The following THYN1 variants were observed in gnomAD, a reference collection of about 807,000 sequenced individuals.
THYN1 encodes the protein thymocyte nuclear protein 1, also known as thymocyte protein thy28.
A neutral mutation model predicts 30.6 loss-of-function variants in THYN1; 32 were observed. The ratio of observed to expected loss-of-function variants is 1.05; its 90% CI spans 0.79 to 1.40. The LOEUF (loss-of-function observed/expected upper bound fraction) is 1.40, where lower values mean the gene tolerates loss of function less well. Among genes scored for constraint, THYN1 ranks in the 40% most tolerant of loss-of-function variants. THYN1 has a pLI of 0.00. For synonymous variants in THYN1, 107 were observed against 90.8 expected, an observed-to-expected ratio of 1.18 and a Z score of -1.01; for missense variants, 259 against 272.6, an observed-to-expected ratio of 0.95 and a Z score of 0.35.
rs1939191684 is a variant in THYN1, at chr11:134,252,974, C to T, written c.-92G>A. 4 of 1,488,938 alleles carry T rather than the reference C, an allele frequency of 2.7e-6. No homozygotes were observed. The East Asian group carries it at 7.3e-5, about 27-fold the overall frequency. 92.2% of individuals were successfully genotyped at this position (1,488,938 alleles called of 1,614,324 possible). On this transcript the variant is annotated 5_prime_UTR_variant, in exon 1 of 7. Transcript: ENST00000341541. ...AATGTCCTCCAAAACCCGCGCAGAG[C>T]GAGATGGAGGCAACGAGAGGCAGCC...
chr11:134,249,915 C>A lies in THYN1; in HGVS notation c.297G>T (p.Arg99=), dbSNP rs1163797304. Residue 99 remains arginine (R), a synonymous_variant, in exon 4 of 7, where the codon CGG becomes CGT. Transcript: ENST00000341541. ...CWDGVRNYQA[R]NFLRAMKLGE... is the part of the protein sequence containing the mutation. ...CCAGCTTCATGGCTCTAAGGAAGTT[C>A]CGAGCCTGTCCCGGGAGAAGAAAGA... 6.2e-7 allele frequency: 1 copy of A among 1,613,308 alleles called. No individual in the cohort carries two copies. The highest frequency in any genetic ancestry group is 1.1e-5 in the South Asian group (1 of 91,012).
chr11:134,253,348 T>A lies in THYN1; in HGVS notation c.-466A>T. 7.1e-7 allele frequency: 1 copy of A among 1,409,736 alleles called. No homozygotes were observed. Among genetic ancestry groups the A allele is most frequent in the Non-Finnish European group, 9.2e-7 (1 of 1,083,766 alleles). The allele number at this position is 1,409,736 out of a possible 1,614,324, so 87.3% of individuals were successfully genotyped here. A position where few individuals can be genotyped will look rare whatever the true frequency, so the allele number is the denominator to read the frequency against. On this transcript the variant is annotated 5_prime_UTR_variant, in exon 1 of 7. Coordinates refer to ENST00000341541, the MANE Select transcript of THYN1 (RefSeq NM_014174.3). ...GGTCCGCCTCCGCTGCGCCGCAGGC[T>A]GTGCAGCGCGACCCCCGCGGCGCTT...
At position 134,252,949 on chromosome 11, in the gene THYN1, A is replaced by G. The variant is rs1939188244; in HGVS notation, c.-67T>C. ...CAACGGAGATACAAGAAAGAATGCT[A>G]ATGTCCTCCAAAACCCGCGCAGAGC... On this transcript the variant is annotated 5_prime_UTR_variant, in exon 1 of 7. Coordinates refer to ENST00000341541, the MANE Select transcript of THYN1 (RefSeq NM_014174.3). 1.3e-6 allele frequency: 2 copies of G among 1,511,462 alleles called. No individual in the cohort carries two copies. Among genetic ancestry groups the G allele is most frequent in the Non-Finnish European group, 1.8e-6 (2 of 1,132,570 alleles). The allele number at this position is 1,511,462 out of a possible 1,614,324, so 93.6% of individuals were successfully genotyped here.
chr11:134,253,261 G>T lies in THYN1; in HGVS notation c.-379C>A. ...CTTGCTAATTAGGATCAACTGAATG[G>T]ATAATCTAGATGATGAAGTAATTTG... On this transcript the variant is annotated 5_prime_UTR_variant, in exon 1 of 7. Transcript: ENST00000341541. The T allele has an allele frequency of 7.5e-7, 1 of 1,339,576 alleles. No individual in the cohort carries two copies. The highest frequency in any genetic ancestry group is 9.6e-7 in the Non-Finnish European group (1 of 1,045,834). The allele number at this position is 1,339,576 out of a possible 1,614,324, so 83.0% of individuals were successfully genotyped here.
intron 4 of THYN1, among the ~76,000 whole-genome samples, chr11:134,249,518 T>TC (rs1327523567): frequency 1.3e-5 from 2 of 152,164 alleles, no homozygotes; most frequent in Non-Finnish European, 2.9e-5. Flanking sequence ...GTACCACTGT[T>TC]TTTTTCCCCT....
At chr11:134,249,047 C>T in intron 5 of THYN1, 88 bp from the exon 6 acceptor site, 1 of 1,568,010 alleles carries the variant, frequency 6.4e-7, no homozygotes, top group Non-Finnish European at 8.7e-7. Flanking sequence ...AAGCTCCTAT[C>T]TCAGTATCAC....
intron 1 of THYN1, among the ~76,000 whole-genome samples, chr11:134,252,578 G>A (rs535975522): frequency 1.3e-5 from 2 of 152,244 alleles, no homozygotes; most frequent in East Asian, 3.9e-4. Flanking sequence ...CCGCAAGCAG[G>A]CGCTTTATAT....
chr11:134,251,329 A>C, intron 1 of THYN1, 21 bp from the exon 2 acceptor site: 6 of 1,593,794 alleles, frequency 3.8e-6, no homozygotes, highest in Non-Finnish European at 5.1e-6. Context: ...AGAAGCAAAA[A>C]GAAAAGATCA....
At chr11:134,248,981 G>T in intron 5 of THYN1, 22 bp from the exon 6 acceptor site, 1 of 1,613,896 alleles carries the variant, frequency 6.2e-7, no homozygotes, top group South Asian at 1.1e-5. Context: ...CAGTGTACAT[G>T]ACAGAAAGAC....
intron 4 of THYN1, 108 bp downstream of exon 4, chr11:134,249,720 G>T (rs570267747): frequency 1.7e-4 from 179 of 1,054,766 alleles, no homozygotes; most frequent in Non-Finnish European, 2.3e-4. Context: ...GGATGGGGTG[G>T]GGGGGAGTGT....
At position 134,249,824 on chromosome 11, in the gene THYN1, T is replaced by C. The variant is rs1938964065; in HGVS notation, c.384+4A>G. On this transcript the variant is annotated splice_donor_region_variant and intron_variant, in intron 4 of 6. Transcript: ENST00000341541. ...GGATTCACACCAAAACCTGCCCAAC[T>C]AACCTTCATGAGTCCTGCGATGCCT... is the stretch of plus-strand genomic sequence containing the variant. The C allele has an allele frequency of 6.2e-7, 1 of 1,613,966 alleles. No individual in the cohort carries two copies. The highest frequency in any genetic ancestry group is 1.7e-5 in the Admixed American group (1 of 59,994).
At chr11:134,249,094 TAC>T (rs1289182705) in intron 5 of THYN1, 71 bp downstream of exon 5, 1 of 1,555,972 alleles carries the variant, frequency 6.4e-7, no homozygotes, top group Non-Finnish European at 8.8e-7. Context: ...TACCTTGACC[TAC>T]AGTCACCCCA....
In THYN1 at chr11:134,252,970, A is replaced by T. The variant is rs1219304282; in HGVS notation, c.-88T>A. On this transcript the variant is annotated 5_prime_UTR_variant, in exon 1 of 7. Transcript: ENST00000341541. Reference sequence around the variant, plus strand: ...TGCTAATGTCCTCCAAAACCCGCGCAGAGCGAGATGGAGGCAACGAGAGGC... The same window carrying T: ...TGCTAATGTCCTCCAAAACCCGCGCTGAGCGAGATGGAGGCAACGAGAGGC... 6.7e-7 allele frequency: 1 copy of T among 1,492,300 alleles called. No homozygotes were observed. The highest frequency in any genetic ancestry group is 8.9e-7 in the Non-Finnish European group (1 of 1,123,920). 92.4% of individuals were successfully genotyped at this position (1,492,300 alleles called of 1,614,324 possible).
chr11:134,253,005 C>T lies in THYN1; in HGVS notation c.-123G>A, dbSNP rs1465716316. Reference sequence around the variant, plus strand: ...GGAGGCAACGAGAGGCAGCCTAGAACGTCTCCAACTTTTGCGAAACACAGA... The same window carrying T: ...GGAGGCAACGAGAGGCAGCCTAGAATGTCTCCAACTTTTGCGAAACACAGA... On this transcript the variant is annotated 5_prime_UTR_variant, in exon 1 of 7. Transcript: ENST00000341541. The T allele has an allele frequency of 6.2e-6, 9 of 1,460,584 alleles. No homozygotes were observed. The highest frequency in any genetic ancestry group is 8.1e-6 in the Non-Finnish European group (9 of 1,112,126). The allele number at this position is 1,460,584 out of a possible 1,614,324, so 90.5% of individuals were successfully genotyped here.
Position 134,251,352 on chromosome 11 carries a change from G to A in THYN1, c.44-44C>T, listed in dbSNP as rs60773920. 6.2e-4 allele frequency: 972 copies of A among 1,565,680 alleles called. 17 individuals carry two copies. In the East Asian group the frequency reaches 0.021, roughly 34 times the overall value. On this transcript the variant is annotated intron_variant, in intron 1 of 6. Coordinates refer to ENST00000341541, the MANE Select transcript of THYN1 (RefSeq NM_014174.3). ...AAAGAAAAGATCATGCTTGTTAAAG[G>A]CAATGTTTCATAATGGAAAAAGCTT...
In THYN1 at chr11:134,248,425, A is replaced by G. The variant is rs752123827; in HGVS notation, c.*13T>C. Reference sequence around the variant, plus strand: ...GCAGCAATGTCTCGCCCATTCCAGCAGCAGTATCTCAGTTAACTTGGTTCC... The same window carrying G: ...GCAGCAATGTCTCGCCCATTCCAGCGGCAGTATCTCAGTTAACTTGGTTCC... On this transcript the variant is annotated 3_prime_UTR_variant, in exon 7 of 7. Transcript: ENST00000341541. 1 of 1,614,176 alleles carries G rather than the reference A, an allele frequency of 6.2e-7. No individual in the cohort carries two copies. The highest frequency in any genetic ancestry group is 8.5e-7 in the Non-Finnish European group (1 of 1,180,018).
rs867534377 is a variant in THYN1 at position 134,249,869 on chromosome 11, GGT to G, written c.341_342del (p.Tyr114SerfsTer2). ...ATGCCTGGCTCTTTGCAGTTGCTAT[GGT>G]AGAAGAAGGCTTCTTCTCCCAGCTT... Reference protein sequence around the residue: ...AMKLGEEAFFYHSNCKEPGIA... With the variant: ...AMKLGEEAFFXHSNCKEPGIA... On this transcript the variant is annotated frameshift_variant, in exon 4 of 7. Coordinates refer to ENST00000341541, the MANE Select transcript of THYN1 (RefSeq NM_014174.3). LOFTEE classifies it high-confidence loss of function. 5.0e-6 allele frequency: 8 copies of G among 1,613,992 alleles called. No individual in the cohort carries two copies. Among genetic ancestry groups the G allele is most frequent in the Non-Finnish European group, 6.8e-6 (8 of 1,180,028 alleles).
intron 6 of THYN1, 104 bp from the exon 7 acceptor site, chr11:134,248,588 G>A: frequency 6.9e-7 from 1 of 1,454,368 alleles, no homozygotes; most frequent in African/African-American, 1.4e-5. Flanking sequence ...ACTAAGGCGA[G>A]CAGTCATTCG....
chr11:134,248,771 C>A (rs775348452), intron 6 of THYN1, 38 bp downstream of exon 6: 1 of 1,608,302 alleles, frequency 6.2e-7, no homozygotes, highest in South Asian at 1.1e-5. Flanking sequence ...TGAGGTCATT[C>A]TGGTATATGG....
Sources: gnomAD v4.1 joint callset for allele counts (sites outside exome capture counted in the v4.1 genomes callset) on GRCh38, gnomAD v4.1.1 for gene constraint, MANE v1.5 for transcripts, NCBI Gene and HGNC (gene_info 2026-07-23, HGNC 2026-07-21) for gene names.